DSCAML1: variants seen among roughly 807,000 people sequenced by gnomAD.
The protein encoded by DSCAML1 is DS cell adhesion molecule like 1, also known as cell adhesion molecule DSCAML1.
In DSCAML1, 38 loss-of-function variants were observed where a neutral mutation model predicts 200.5. That is an observed-to-expected ratio of 0.19 (90% CI 0.15 to 0.25). DSCAML1 has a LOEUF of 0.25. Among genes scored for constraint, DSCAML1 ranks in the 10% least tolerant of loss-of-function variants. The pLI is 1.00. For missense variants in DSCAML1, 2,223 were observed against 2,858.8 expected (o/e 0.78, Z 5.07); for synonymous variants, 1,215 against 1,165.0 (o/e 1.04, Z -0.87).
intron 3 of DSCAML1, among the ~76,000 whole-genome samples, chr11:117,554,457 T>C (rs925969575): frequency 6.6e-6 from 1 of 152,170 alleles, no homozygotes; most frequent in Non-Finnish European, 1.5e-5. Flanking sequence ...CTCGGCTCAC[T>C]GAAACCTCCG....
intron 3 of DSCAML1, among the ~76,000 whole-genome samples, chr11:117,744,269 C>G (rs533865335): frequency 1.3e-5 from 2 of 152,336 alleles, no homozygotes; most frequent in African/African-American, 4.8e-5. Context: ...AGGATGCAAA[C>G]CTGGGCAGTG....
chr11:117,676,898 G>C (rs1275834443), intron 3 of DSCAML1, among the ~76,000 whole-genome samples: 1 of 152,236 alleles, frequency 6.6e-6, no homozygotes, highest in African/African-American at 2.4e-5. Flanking sequence ...TCTCAAAGGG[G>C]TGTGGCCGAG....
intron 11 of DSCAML1, among the ~76,000 whole-genome samples, chr11:117,499,281 T>C (rs2049352247): frequency 6.6e-6 from 1 of 152,108 alleles, no homozygotes; most frequent in African/African-American, 2.4e-5. Flanking sequence ...GTTAACTAAA[T>C]TTATTTTCAA....
At chr11:117,663,211 T>A (rs1426103100) in intron 3 of DSCAML1, among the ~76,000 whole-genome samples, 1 of 152,224 alleles carries the variant, frequency 6.6e-6, no homozygotes, top group South Asian at 2.1e-4. Flanking sequence ...GAGTCAGCCC[T>A]GACAGCCTGC....
At chr11:117,778,223 A>G (rs1229682816) in intron 2 of DSCAML1, among the ~76,000 whole-genome samples, 1 of 152,190 alleles carries the variant, frequency 6.6e-6, no homozygotes, top group African/African-American at 2.4e-5. Context: ...AAGAGAGGAG[A>G]GGCACTGGTG....
intron 19 of DSCAML1, among the ~76,000 whole-genome samples, chr11:117,457,329 C>T (rs990588756): frequency 6.6e-6 from 1 of 152,230 alleles, no homozygotes; most frequent in African/African-American, 2.4e-5. Context: ...CTGGGTTCCT[C>T]ACAGGGCCTT....
At chr11:117,443,165 G>A (rs2048103192) in intron 21 of DSCAML1, among the ~76,000 whole-genome samples, 1 of 152,216 alleles carries the variant, frequency 6.6e-6, no homozygotes, top group African/African-American at 2.4e-5. Flanking sequence ...GCAAGTAGAG[G>A]ACCTGCGGTC....
chr11:117,771,198 C>G (rs142928417), intron 3 of DSCAML1, among the ~76,000 whole-genome samples: 1 of 128,038 alleles, frequency 7.8e-6, no homozygotes, highest in Non-Finnish European at 1.7e-5. Flanking sequence ...AAGAAGTGAC[C>G]TTCATGTCAG....
chr11:117,587,014 A>G (rs1296877913), intron 3 of DSCAML1, among the ~76,000 whole-genome samples: 1 of 152,162 alleles, frequency 6.6e-6, no homozygotes, highest in African/African-American at 2.4e-5. Flanking sequence ...AAGGACAGAC[A>G]TACCAACACG....
At chr11:117,692,621 C>A (rs571758246) in intron 3 of DSCAML1, among the ~76,000 whole-genome samples, 1 of 152,242 alleles carries the variant, frequency 6.6e-6, no homozygotes, top group South Asian at 2.1e-4. Context: ...AGAGTAATAT[C>A]ATAATCATAA....
At chr11:117,632,789 A>C (rs1330567522) in intron 3 of DSCAML1, among the ~76,000 whole-genome samples, 15 of 152,252 alleles carry the variant, frequency 9.9e-5, no homozygotes, top group Non-Finnish European at 2.9e-5. Flanking sequence ...TAATTAATTC[A>C]TAATAATAGT....
At chr11:117,431,071 GA>G (rs1329335118) in intron 31 of DSCAML1, 38 bp from the exon 32 acceptor site, 1 of 1,569,758 alleles carries the variant, frequency 6.4e-7, no homozygotes, top group African/African-American at 1.3e-5. Flanking sequence ...TTACGGGGAG[GA>G]GGGTATAAGT....
intron 3 of DSCAML1, among the ~76,000 whole-genome samples, chr11:117,545,022 G>A (rs2050344689): frequency 6.6e-6 from 1 of 151,958 alleles, no homozygotes; most frequent in African/African-American, 2.4e-5. Context: ...ACGATGTCGG[G>A]AGTTTGAGAC....
rs949670784 is a variant in DSCAML1, at chr11:117,532,383, A to G, written c.651T>C (p.Ser217=). Reference sequence around the variant, plus strand: ...CCAGGCCCTCTCCCCTACCTGTCACAGAGAGGCGTGCCCCATTGCTCTGCC... The same window carrying G: ...CCAGGCCCTCTCCCCTACCTGTCACGGAGAGGCGTGCCCCATTGCTCTGCC... The part of the protein sequence containing the change: ...ETRQSNGARL[S]VTDPAESIPT... The change falls in exon 4 of 33, where the codon TCT becomes TCC. Residue 217 remains serine, a synonymous_variant. Coordinates refer to ENST00000651296, the MANE Select transcript of DSCAML1 (RefSeq NM_020693.4). 3 of 1,613,626 alleles carry G rather than the reference A, an allele frequency of 1.9e-6. No homozygotes were observed. The highest frequency in any genetic ancestry group is 2.5e-6 in the Non-Finnish European group (3 of 1,179,726).
Position 117,778,293 on chromosome 11 carries a change from A to G in DSCAML1, c.365-1356T>C, listed in dbSNP as rs1374722878. Among the ~76,000 whole-genome samples the G allele has an allele frequency of 2.0e-5, 3 of 152,172 alleles. No homozygotes were observed. In the East Asian group the frequency reaches 5.8e-4, roughly 29 times the overall value. ...TTTGGGCAGAGCCCTGCCTCCAGATATGGGAGAGCACAGAGGAGAACAAGG... is the reference window on the plus strand; with the variant it reads ...TTTGGGCAGAGCCCTGCCTCCAGATGTGGGAGAGCACAGAGGAGAACAAGG... On this transcript the variant is annotated intron_variant, in intron 2 of 32. Coordinates refer to ENST00000651296, the MANE Select transcript of DSCAML1 (RefSeq NM_020693.4).
At chr11:117,634,318 T>G (rs771492174) in intron 3 of DSCAML1, among the ~76,000 whole-genome samples, 3 of 152,184 alleles carry the variant, frequency 2.0e-5, no homozygotes, top group Non-Finnish European at 2.9e-5. Flanking sequence ...AGACTCGAGT[T>G]CTGGCCTGGC....
chr11:117,470,539 G>C (rs1190679930), intron 15 of DSCAML1, among the ~76,000 whole-genome samples: 1 of 152,218 alleles, frequency 6.6e-6, no homozygotes, highest in African/African-American at 2.4e-5. Context: ...GATCATGGGA[G>C]AGAAAATTGG....
upstream of DSCAML1, chr11:117,797,386 G>A (rs1233752658): frequency 1.8e-5 from 15 of 829,908 alleles, no homozygotes; most frequent in East Asian, 1.7e-4. Flanking sequence ...GCGGCGGCCC[G>A]GGCCAGACCG....
chr11:117,693,427 G>A (rs957815146), intron 3 of DSCAML1, among the ~76,000 whole-genome samples: 4 of 152,158 alleles, frequency 2.6e-5, no homozygotes, highest in African/African-American at 4.8e-5. Context: ...TGAAAAACAT[G>A]CCTTCTGGGT....
Sources: allele counts gnomAD v4.1 joint callset (sites outside exome capture counted in the v4.1 genomes callset), GRCh38; gene constraint gnomAD v4.1.1; transcripts MANE v1.5; gene names NCBI Gene and HGNC (gene_info 2026-07-23, HGNC 2026-07-21).